The following PROS1 variants were observed in gnomAD, a reference collection of about 807,000 sequenced individuals.
PROS1 encodes the protein protein S, also known as vitamin K-dependent protein S.
In PROS1, 29 loss-of-function variants were observed where a neutral mutation model predicts 75.9. The ratio of observed to expected loss-of-function variants is 0.38; its 90% CI spans 0.28 to 0.52. The LOEUF is 0.52. Among genes scored for constraint, PROS1 ranks in the 20% least tolerant of loss-of-function variants. PROS1 has a pLI of 0.83. For synonymous variants in PROS1, 245 were observed against 280.6 expected (o/e 0.87, Z 1.27); for missense variants, 680 against 810.3 (o/e 0.84, Z 1.95).
At chr3:93,880,865 A>AT (rs1708267219) in intron 12 of PROS1, among the ~76,000 whole-genome samples, 2 of 152,220 alleles carry the variant, frequency 1.3e-5, no homozygotes, top group South Asian at 4.1e-4. Flanking sequence ...CCTTTTCAGG[A>AT]TTTTTTTCCT....
At chr3:93,967,379 C>T (rs1453801414) in intron 1 of PROS1, among the ~76,000 whole-genome samples, 1 of 152,148 alleles carries the variant, frequency 6.6e-6, no homozygotes, top group Non-Finnish European at 1.5e-5. Flanking sequence ...CACAACACTA[C>T]CTCTAAGGAT....
At chr3:93,937,841 A>G (rs1427403566) in intron 1 of PROS1, among the ~76,000 whole-genome samples, 1 of 152,162 alleles carries the variant, frequency 6.6e-6, no homozygotes, top group African/African-American at 2.4e-5. Context: ...CAGATCCAAT[A>G]TACACACTCA....
chr3:93,963,603 A>C (rs1411369414), intron 1 of PROS1, among the ~76,000 whole-genome samples: 1 of 152,208 alleles, frequency 6.6e-6, no homozygotes, highest in Non-Finnish European at 1.5e-5. Flanking sequence ...GCATGGTGCC[A>C]GCATCTACTC....
chr3:93,908,835 A>G (rs1708713431), intron 4 of PROS1, among the ~76,000 whole-genome samples: 1 of 152,222 alleles, frequency 6.6e-6, no homozygotes, highest in Non-Finnish European at 1.5e-5. Context: ...AAATGCCACA[A>G]CAAAATCAAA....
At chr3:93,960,429 G>T (rs925873470) in intron 1 of PROS1, among the ~76,000 whole-genome samples, 1 of 150,916 alleles carries the variant, frequency 6.6e-6, no homozygotes, top group Admixed American at 6.6e-5. Flanking sequence ...GCCCGCCTCG[G>T]CCTCCCAAAG....
chr3:93,971,309 C>T (rs1443504029), intron 1 of PROS1, among the ~76,000 whole-genome samples: 1 of 151,392 alleles, frequency 6.6e-6, no homozygotes, highest in East Asian at 1.9e-4. Flanking sequence ...GATCACGCCA[C>T]TGCACTCCTG....
intron 1 of PROS1, among the ~76,000 whole-genome samples, chr3:93,930,734 C>T (rs374177137): frequency 6.6e-6 from 1 of 152,108 alleles, no homozygotes; most frequent in South Asian, 2.1e-4. Flanking sequence ...TAAAAGTAAA[C>T]ATAACCACCT....
chr3:93,912,568 C>A (rs1000355762), intron 3 of PROS1, among the ~76,000 whole-genome samples: 1 of 151,944 alleles, frequency 6.6e-6, no homozygotes, highest in Non-Finnish European at 1.5e-5. Context: ...TTTCTGGAGC[C>A]CCTATCTGAG....
chr3:93,891,522 G>A (rs1708430657), intron 10 of PROS1, among the ~76,000 whole-genome samples: 1 of 152,060 alleles, frequency 6.6e-6, no homozygotes, highest in South Asian at 2.1e-4. Flanking sequence ...CCGCCTCCTG[G>A]GTTTAAATGA....
intron 1 of PROS1, among the ~76,000 whole-genome samples, chr3:93,937,204 T>A (rs1451648646): frequency 6.6e-6 from 1 of 152,094 alleles, no homozygotes; most frequent in African/African-American, 2.4e-5. Context: ...ACTAAAGATT[T>A]CACATGAAAG....
At chr3:93,897,816 A>T (rs1708526483) in intron 8 of PROS1, among the ~76,000 whole-genome samples, 4 of 152,126 alleles carry the variant, frequency 2.6e-5, no homozygotes. Flanking sequence ...TCAATGAAGT[A>T]AAAATGAGCA....
chr3:93,935,691 A>G (rs1709172016), intron 1 of PROS1, among the ~76,000 whole-genome samples: 1 of 152,152 alleles, frequency 6.6e-6, no homozygotes, highest in Admixed American at 6.6e-5. Context: ...TATTTTTTAA[A>G]GTGCTTATTT....
At chr3:93,916,154 G>A (rs1435891770) in intron 3 of PROS1, among the ~76,000 whole-genome samples, 1 of 152,196 alleles carries the variant, frequency 6.6e-6, no homozygotes, top group African/African-American at 2.4e-5. Context: ...AGAGGGGAAG[G>A]GAGCCAAACT....
Position 93,965,016 on chromosome 3 carries a change from A to G in PROS1, c.76+8658T>C, listed in dbSNP as rs371390042. On this transcript the variant is annotated intron_variant, in intron 1 of 14. Transcript: ENST00000394236. The stretch of plus-strand genomic sequence containing the variant: ...CAACTTAGCTCACACCCGACCAATC[A>G]GAGAGCTCACTAAAATGCGAATTAG... Among the ~76,000 whole-genome samples, 5 of 152,290 alleles carry G rather than the reference A, an allele frequency of 3.3e-5. No homozygotes were observed. In the East Asian group the frequency reaches 9.7e-4, roughly 30 times the overall value.
At chr3:93,938,433 G>T (rs558750069) in intron 1 of PROS1, among the ~76,000 whole-genome samples, 2 of 152,180 alleles carry the variant, frequency 1.3e-5, no homozygotes, top group East Asian at 1.9e-4. Context: ...TCACACGGAC[G>T]CACATGACAT....
intron 3 of PROS1, among the ~76,000 whole-genome samples, chr3:93,916,942 C>T (rs566963621): frequency 6.6e-6 from 1 of 152,328 alleles, no homozygotes; most frequent in South Asian, 2.1e-4. Flanking sequence ...CCACTGACTC[C>T]TAGACAAAGG....
chr3:93,952,784 C>A lies in PROS1; in HGVS notation c.76+20890G>T, dbSNP rs368799712. On this transcript the variant is annotated intron_variant, in intron 1 of 14. Coordinates refer to ENST00000394236, the MANE Select transcript of PROS1 (RefSeq NM_000313.4). ...AAAACCCTTCAAAAAATCAGTGAAT[C>A]CAAGAGCTGGCTTTTTGAAAAGATC... Among the ~76,000 whole-genome samples the A allele has an allele frequency of 2.0e-5, 3 of 152,088 alleles. No individual in the cohort carries two copies. In the East Asian group the frequency reaches 5.8e-4, roughly 29 times the overall value.
intron 1 of PROS1, among the ~76,000 whole-genome samples, chr3:93,938,629 C>T (rs1399788742): frequency 6.6e-6 from 1 of 152,186 alleles, no homozygotes; most frequent in African/African-American, 2.4e-5. Context: ...TCTTGCTACC[C>T]TTCAATCTCC....
chr3:93,910,764 C>T (rs1395849202), intron 3 of PROS1, 59 bp from the exon 4 acceptor site: 3 of 1,402,568 alleles, frequency 2.1e-6, no homozygotes, highest in Non-Finnish European at 3.0e-6. Context: ...GATCTGAATT[C>T]ATGGTAGGAA....
Sources: gnomAD v4.1 joint callset for allele counts (sites outside exome capture counted in the v4.1 genomes callset) on GRCh38, gnomAD v4.1.1 for gene constraint, MANE v1.5 for transcripts, NCBI Gene and HGNC (gene_info 2026-07-23, HGNC 2026-07-21) for gene names.